Variants in TNR observed in about 807,000 individuals in gnomAD.
The protein encoded by TNR is tenascin R, also known as tenascin-R.
A neutral mutation model predicts 150.4 loss-of-function variants in TNR; 45 were observed. That is an observed-to-expected ratio of 0.30 (90% CI 0.24 to 0.38). The LOEUF (loss-of-function observed/expected upper bound fraction) is 0.38, where lower values mean the gene tolerates loss of function less well. Among genes scored for constraint, TNR ranks in the 10% least tolerant of loss-of-function variants. The pLI, the probability that TNR is intolerant of heterozygous loss-of-function variation, is 1.00. For synonymous variants in TNR, 687 were observed against 678.4 expected (o/e 1.01, Z -0.20); for missense variants, 1,544 against 1,759.1 (o/e 0.88, Z 2.19).
chr1:175,730,926 C>T (rs953320225), intron 1 of TNR, among the ~76,000 whole-genome samples: 1 of 152,126 alleles, frequency 6.6e-6, no homozygotes, highest in South Asian at 2.1e-4. Flanking sequence ...AGTGGACATG[C>T]TGGGTGACTC....
At chr1:175,499,457 C>T (rs747160827) in intron 2 of TNR, among the ~76,000 whole-genome samples, 6 of 152,008 alleles carry the variant, frequency 3.9e-5, no homozygotes, top group Non-Finnish European at 7.4e-5. Context: ...TTGTTTCCCA[C>T]GTACCTCTGG....
At chr1:175,662,014 A>C (rs1014899809) in intron 1 of TNR, among the ~76,000 whole-genome samples, 1 of 151,836 alleles carries the variant, frequency 6.6e-6, no homozygotes. Flanking sequence ...TCCAACCTCA[A>C]AGGCAAAGAG....
chr1:175,448,804 C>T (rs1439012901), intron 2 of TNR, among the ~76,000 whole-genome samples: 1 of 152,208 alleles, frequency 6.6e-6, no homozygotes, highest in African/African-American at 2.4e-5. Context: ...GGGGCTGTTT[C>T]TATTCCAAAG....
intron 1 of TNR, among the ~76,000 whole-genome samples, chr1:175,722,974 T>C (rs1012194880): frequency 1.3e-5 from 2 of 151,902 alleles, no homozygotes; most frequent in South Asian, 2.1e-4. Flanking sequence ...GTATTTTTAA[T>C]TGAGACGGGG....
At chr1:175,458,426 G>A (rs1656661941) in intron 2 of TNR, among the ~76,000 whole-genome samples, 1 of 152,170 alleles carries the variant, frequency 6.6e-6, no homozygotes, top group Non-Finnish European at 1.5e-5. Context: ...ATCTGGTTGG[G>A]GAGGTCAAAC....
In TNR at chr1:175,691,430, C is replaced by T. The variant is rs114129320; in HGVS notation, c.-165+51796G>A. 7.2e-3 allele frequency among the ~76,000 whole-genome samples: 1,103 copies of T among 152,210 alleles called. 17 individuals carry two copies. The highest frequency in any genetic ancestry group is 0.025 in the African/African-American group (1,054 of 41,540). ...AACTAACTTTAATTCCCACAACAAG[C>T]CTAAAAAGGAGATACTGTTATTCTC... On this transcript the variant is annotated intron_variant, in intron 1 of 22. Transcript: ENST00000367674.
intron 2 of TNR, among the ~76,000 whole-genome samples, chr1:175,418,227 C>T (rs1262157458): frequency 6.6e-6 from 1 of 151,940 alleles, no homozygotes; most frequent in Non-Finnish European, 1.5e-5. Context: ...CCCTGTGTGA[C>T]TAGGAGAAAG....
At chr1:175,421,843 C>T (rs1373451777) in intron 2 of TNR, among the ~76,000 whole-genome samples, 1 of 152,182 alleles carries the variant, frequency 6.6e-6, no homozygotes, top group Non-Finnish European at 1.5e-5. Context: ...AGAGCTTGTG[C>T]ATTCTGCCCT....
chr1:175,730,098 T>C (rs772325130), intron 1 of TNR, among the ~76,000 whole-genome samples: 2 of 152,124 alleles, frequency 1.3e-5, no homozygotes, highest in Non-Finnish European at 2.9e-5. Flanking sequence ...TTTTTCAGTA[T>C]CATCTCTCAC....
At chr1:175,635,818 A>G (rs924890577) in intron 1 of TNR, among the ~76,000 whole-genome samples, 1 of 152,196 alleles carries the variant, frequency 6.6e-6, no homozygotes, top group Non-Finnish European at 1.5e-5. Context: ...GAGAGTTAGC[A>G]TTACCTACAT....
At chr1:175,659,946 C>T (rs145162415) in intron 1 of TNR, among the ~76,000 whole-genome samples, 1,729 of 74,100 alleles carry the variant, frequency 0.023, 32 homozygotes, top group African/African-American at 0.068. Context: ...ATTTTTCTTT[C>T]GCCAGTTTTT....
chr1:175,695,985 T>TATGGATGGATGGATGGATGGATGG (rs112381209), intron 1 of TNR, among the ~76,000 whole-genome samples: 2 of 148,844 alleles, frequency 1.3e-5, no homozygotes, highest in African/African-American at 5.1e-5. Flanking sequence ...CAGATGGATA[T>TATGGATGGATGGATGGATGGATGG]ATGGATGGAT....
At chr1:175,530,167 T>C (rs1660008112) in intron 1 of TNR, among the ~76,000 whole-genome samples, 1 of 152,218 alleles carries the variant, frequency 6.6e-6, no homozygotes, top group Non-Finnish European at 1.5e-5. Flanking sequence ...CCTTCCACAC[T>C]GTCATAATTC....
intron 1 of TNR, among the ~76,000 whole-genome samples, chr1:175,609,751 C>G (rs1663533065): frequency 6.6e-6 from 1 of 152,200 alleles, no homozygotes; most frequent in African/African-American, 2.4e-5. Context: ...GTCATACAAC[C>G]AGAGCACTAA....
chr1:175,563,414 C>A (rs1012316179), intron 1 of TNR, among the ~76,000 whole-genome samples: 10 of 152,322 alleles, frequency 6.6e-5, no homozygotes, highest in African/African-American at 1.7e-4. Context: ...GCACTTCATT[C>A]CTTAGCTAAC....
chr1:175,657,853 G>GTATA (rs59315046), intron 1 of TNR, among the ~76,000 whole-genome samples: 2,896 of 70,302 alleles, frequency 0.041, 171 homozygotes, highest in African/African-American at 0.053. Context: ...CATGGAACAT[G>GTATA]TATATATATA....
intron 2 of TNR, among the ~76,000 whole-genome samples, chr1:175,432,860 G>T (rs1308168664): frequency 6.6e-6 from 1 of 152,162 alleles, no homozygotes; most frequent in African/African-American, 2.4e-5. Context: ...CTCAAAGACT[G>T]CATATCCCAG....
chr1:175,644,170 C>A (rs753111889), intron 1 of TNR, among the ~76,000 whole-genome samples: 2 of 152,174 alleles, frequency 1.3e-5, no homozygotes, highest in Non-Finnish European at 2.9e-5. Context: ...ATTTATGTTA[C>A]CCCACAGGGT....
At chr1:175,545,929 T>C (rs1439833857) in intron 1 of TNR, among the ~76,000 whole-genome samples, 1 of 152,084 alleles carries the variant, frequency 6.6e-6, no homozygotes, top group Non-Finnish European at 1.5e-5. Context: ...AGATGAGGGA[T>C]GTGGCAGGGA....
Sources: allele counts gnomAD v4.1 joint callset (sites outside exome capture counted in the v4.1 genomes callset), GRCh38; gene constraint gnomAD v4.1.1; transcripts MANE v1.5; gene names NCBI Gene and HGNC (gene_info 2026-07-23, HGNC 2026-07-21).